ASH1L: variants seen among roughly 807,000 people sequenced by gnomAD.
The protein encoded by ASH1L is ASH1 like histone lysine methyltransferase.
A neutral mutation model predicts 269.0 loss-of-function variants in ASH1L; 23 were observed. The observed-to-expected ratio is 0.09, with a 90% CI of 0.06 to 0.12. The LOEUF (loss-of-function observed/expected upper bound fraction) is 0.12, where lower values mean the gene tolerates loss of function less well. Ranked by LOEUF, ASH1L falls within the 10% of genes least tolerant of loss-of-function variation. ASH1L has a pLI of 1.00. For missense variants in ASH1L, 2,912 were observed against 3,567.8 expected (o/e 0.82, Z 4.68); for synonymous variants, 1,187 against 1,253.5 (o/e 0.95, Z 1.12).
chr1:155,352,932 C>G, intron 16 of ASH1L, 74 bp from the exon 17 acceptor site: 1 of 1,400,160 alleles, frequency 7.1e-7, no homozygotes, highest in Non-Finnish European at 9.7e-7. Flanking sequence ...CCAATGGATT[C>G]CTGCCATTTG....
chr1:155,396,813 T>C (rs1658381604), intron 6 of ASH1L: 1 of 150,538 alleles, frequency 6.6e-6, no homozygotes, highest in African/African-American at 2.4e-5. Flanking sequence ...AATACAAAAA[T>C]TAGCTGAGCA....
chr1:155,341,178 A>G (rs1459053008), intron 25 of ASH1L, among the ~76,000 whole-genome samples: 1 of 115,692 alleles, frequency 8.6e-6, no homozygotes, highest in Non-Finnish European at 1.8e-5. Context: ...CAATGTTCAC[A>G]ATTTTTTTTT....
chr1:155,374,150 G>A (rs1481179926), intron 10 of ASH1L, among the ~76,000 whole-genome samples: 3 of 152,036 alleles, frequency 2.0e-5, no homozygotes, highest in Non-Finnish European at 4.4e-5. Context: ...CCAACACGGC[G>A]AAACCTCGTC....
intron 1 of ASH1L, among the ~76,000 whole-genome samples, chr1:155,528,982 A>G (rs1333359097): frequency 1.3e-5 from 2 of 152,188 alleles, no homozygotes; most frequent in Non-Finnish European, 2.9e-5. Context: ...CTAGTTTGCC[A>G]AAGATAATGG....
chr1:155,538,607 G>A (rs1430086458), intron 1 of ASH1L, among the ~76,000 whole-genome samples: 1 of 147,788 alleles, frequency 6.8e-6, no homozygotes, highest in Non-Finnish European at 1.5e-5. Flanking sequence ...CTTCCAAAGT[G>A]CTGGGATTAC....
At chr1:155,460,240 T>C (rs959924591) in intron 3 of ASH1L, among the ~76,000 whole-genome samples, 5 of 152,252 alleles carry the variant, frequency 3.3e-5, no homozygotes, top group Non-Finnish European at 7.3e-5. Context: ...AACAATATTT[T>C]AACCAAATCT....
At chr1:155,547,048 G>A (rs1384936424) in intron 1 of ASH1L, among the ~76,000 whole-genome samples, 1 of 136,064 alleles carries the variant, frequency 7.3e-6, no homozygotes, top group African/African-American at 2.8e-5. Context: ...TGCCTCCCAA[G>A]TTCAAGCAAT....
intron 5 of ASH1L, among the ~76,000 whole-genome samples, chr1:155,421,230 TAAAAAAAAAAA>T (rs67434918): frequency 6.3e-5 from 6 of 95,688 alleles, no homozygotes; most frequent in Middle Eastern, 6.7e-3. Flanking sequence ...TTCTGTGTCT[TAAAAAAAAAAA>T]AAAAAAAAAA....
chr1:155,451,618 G>A (rs1197539403), intron 4 of ASH1L, among the ~76,000 whole-genome samples: 1 of 152,132 alleles, frequency 6.6e-6, no homozygotes, highest in African/African-American at 2.4e-5. Context: ...AAATTGGCTG[G>A]CGTGGTGGTG....
At chr1:155,538,624 G>A (rs1258419759) in intron 1 of ASH1L, among the ~76,000 whole-genome samples, 1 of 144,194 alleles carries the variant, frequency 6.9e-6, no homozygotes, top group African/African-American at 2.5e-5. Context: ...TTACAGGTGT[G>A]AACCACTGTA....
intron 2 of ASH1L, among the ~76,000 whole-genome samples, chr1:155,507,280 C>CAA (rs796998119): frequency 3.3e-3 from 299 of 90,856 alleles, no homozygotes; most frequent in African/African-American, 0.012. Context: ...AACTCCGTCT[C>CAA]AAAAAAAAAA....
chr1:155,391,909 T>A (rs1467249782), intron 7 of ASH1L, among the ~76,000 whole-genome samples: 1 of 152,012 alleles, frequency 6.6e-6, no homozygotes, highest in African/African-American at 2.4e-5. Flanking sequence ...TGAGCCAAGA[T>A]TGCACTACTG....
chr1:155,353,797 A>G (rs1654128135), intron 16 of ASH1L, among the ~76,000 whole-genome samples: 1 of 152,166 alleles, frequency 6.6e-6, no homozygotes, highest in South Asian at 2.1e-4. Context: ...TCAAACTGAT[A>G]ATGACCTGTC....
chr1:155,562,597 C>T lies in ASH1L; in HGVS notation c.-544G>A. 3 of 1,528,550 alleles carry T rather than the reference C, an allele frequency of 2.0e-6. No homozygotes were observed. The highest frequency in any genetic ancestry group is 2.6e-6 in the Non-Finnish European group (3 of 1,141,752). 94.7% of individuals were successfully genotyped at this position (1,528,550 alleles called of 1,614,324 possible). On this transcript the variant is annotated 5_prime_UTR_variant, in exon 1 of 28. Transcript: ENST00000392403. ...CGACTCCGTCCGCGTAGCGCGCACG[C>T]CCGCCCGCACGCGTACGAGTGTCTA...
At chr1:155,363,059 C>A (rs1241325118) in intron 12 of ASH1L, among the ~76,000 whole-genome samples, 1 of 152,136 alleles carries the variant, frequency 6.6e-6, no homozygotes, top group African/African-American at 2.4e-5. Flanking sequence ...ACTTGGCTCA[C>A]TGCAACCTCC....
rs1274048371 is a variant in ASH1L at position 155,562,687 on chromosome 1, G to T, written c.-634C>A. ...GGCCGCCCCGCGCGCCAGCCAGCCCGTACGCGCTCACCCACAGGAACCCCC... is the reference window on the plus strand; with the variant it reads ...GGCCGCCCCGCGCGCCAGCCAGCCCTTACGCGCTCACCCACAGGAACCCCC... On this transcript the variant is annotated 5_prime_UTR_variant, in exon 1 of 28. Coordinates refer to ENST00000392403, the MANE Select transcript of ASH1L (RefSeq NM_018489.3). 6.6e-7 allele frequency: 1 copy of T among 1,512,514 alleles called. No homozygotes were observed. The highest frequency in any genetic ancestry group is 8.9e-7 in the Non-Finnish European group (1 of 1,129,546). The allele number at this position is 1,512,514 out of a possible 1,614,324, so 93.7% of individuals were successfully genotyped here.
At chr1:155,405,411 G>A (rs1430012786) in intron 6 of ASH1L, among the ~76,000 whole-genome samples, 4 of 152,136 alleles carry the variant, frequency 2.6e-5, no homozygotes, top group Admixed American at 6.6e-5. Context: ...GAACCCAAGA[G>A]GGGGAAGTTG....
chr1:155,525,629 G>T (rs143628022), intron 1 of ASH1L, among the ~76,000 whole-genome samples: 2 of 151,722 alleles, frequency 1.3e-5, no homozygotes, highest in Non-Finnish European at 2.9e-5. Flanking sequence ...AAAAACTTAC[G>T]GCACCAACAT....
rs763635560 is a variant in ASH1L, at chr1:155,415,696, CA to C, written c.6008+47del. 3 of 1,561,856 alleles carry C rather than the reference CA, an allele frequency of 1.9e-6. No homozygotes were observed. The African/African-American group carries it at 4.1e-5, about 22-fold the overall frequency. Reference sequence around the variant, plus strand: ...TTTTTTGATAGTCAAAGTATTTTTCCAAATGTGGAAGAAAAAGGGATGTTAG... The same window carrying C: ...TTTTTTGATAGTCAAAGTATTTTTCCAATGTGGAAGAAAAAGGGATGTTAG... On this transcript the variant is annotated intron_variant, in intron 6 of 27. Coordinates refer to ENST00000392403, the MANE Select transcript of ASH1L (RefSeq NM_018489.3).
Sources: gnomAD v4.1 joint callset for allele counts (sites outside exome capture counted in the v4.1 genomes callset) on GRCh38, gnomAD v4.1.1 for gene constraint, MANE v1.5 for transcripts, NCBI Gene and HGNC (gene_info 2026-07-23, HGNC 2026-07-21) for gene names.